GNAI1: variants seen among roughly 807,000 people sequenced by gnomAD.
GNAI1 encodes guanine nucleotide-binding protein G(i) subunit alpha-1.
In GNAI1, 11 loss-of-function variants were observed where a neutral mutation model predicts 38.9. That is an observed-to-expected ratio of 0.28 (90% CI 0.18 to 0.47). GNAI1 has a LOEUF of 0.47. Ranked by LOEUF, GNAI1 falls within the 20% of genes least tolerant of loss-of-function variation. The probability of loss-of-function intolerance (pLI) is 0.99; values close to 1 mark genes in which losing one functional copy is unlikely to be tolerated. For missense variants in GNAI1, 317 were observed against 436.9 expected (o/e 0.73, Z 2.45); for synonymous variants, 166 against 145.1 (o/e 1.14, Z -1.04).
At chr7:80,197,625 A>G (rs1247487236) in intron 3 of GNAI1, among the ~76,000 whole-genome samples, 4 of 152,102 alleles carry the variant, frequency 2.6e-5, no homozygotes, top group African/African-American at 9.7e-5. Flanking sequence ...GTTTACTGGA[A>G]TTAGACTAAT....
At position 80,220,611 on chromosome 7, in the gene GNAI1, CCTT is replaced by C. The variant is rs1469158498; in HGVS notation, c.*3121_*3123del. Among the ~76,000 whole-genome samples the C allele has an allele frequency of 6.6e-6, 1 of 152,146 alleles. No individual in the cohort carries two copies. Among genetic ancestry groups the C allele is most frequent in the East Asian group, 1.9e-4 (1 of 5,192 alleles). On this transcript the variant is annotated 3_prime_UTR_variant, in exon 8 of 8. Transcript: ENST00000649796. ...TCTAAAATTCTCTTCATTTCAGTAA[CCTT>C]CTAAAAGTCTACTTTTTTATGCCTA...
At chr7:80,135,773 G>C in intron 1 of GNAI1, 1 of 983,066 alleles carries the variant, frequency 1.0e-6, no homozygotes, top group Non-Finnish European at 1.2e-6. Flanking sequence ...TGCACCTTTT[G>C]TGGGGCCTCT....
chr7:80,156,042 C>CAAAAAAAAAAAAAAA (rs1182960135), intron 1 of GNAI1, among the ~76,000 whole-genome samples: 2 of 68,534 alleles, frequency 2.9e-5, no homozygotes, highest in Non-Finnish European at 6.0e-5. Flanking sequence ...GACTCTGTCT[C>CAAAAAAAAAAAAAAA]AAAAAAAAAA....
chr7:80,146,436 T>A (rs1233964623), intron 1 of GNAI1, among the ~76,000 whole-genome samples: 1 of 152,200 alleles, frequency 6.6e-6, no homozygotes, highest in Non-Finnish European at 1.5e-5. Flanking sequence ...CATATTACAT[T>A]CTCTATTGTG....
chr7:80,223,984 A>C lies in GNAI1; in HGVS notation c.*6491A>C, dbSNP rs1432427332. The stretch of plus-strand genomic sequence containing the variant: ...TGAAGCTGGCATAAGGAAAGCCAGT[A>C]AAAAGTGCCCTTTCTTCTTTCTGAG... On this transcript the variant is annotated 3_prime_UTR_variant, in exon 8 of 8. Coordinates refer to ENST00000649796, the MANE Select transcript of GNAI1 (RefSeq NM_002069.6). Among the ~76,000 whole-genome samples, 3 of 152,184 alleles carry C rather than the reference A, an allele frequency of 2.0e-5. No individual in the cohort carries two copies. The highest frequency in any genetic ancestry group is 7.2e-5 in the African/African-American group (3 of 41,448).
chr7:80,189,344 G>C, intron 3 of GNAI1, 113 bp downstream of exon 3: 1 of 864,444 alleles, frequency 1.2e-6, no homozygotes, highest in Non-Finnish European at 1.9e-6. Flanking sequence ...TTCATAAAAG[G>C]AACCAAAAGG....
At chr7:80,152,303 G>A (rs994754282) in intron 1 of GNAI1, among the ~76,000 whole-genome samples, 2 of 152,122 alleles carry the variant, frequency 1.3e-5, no homozygotes, top group East Asian at 3.9e-4. Flanking sequence ...TAGGGAGAAA[G>A]GGCCTGGTCA....
chr7:80,169,372 A>C (rs192672527), intron 1 of GNAI1, among the ~76,000 whole-genome samples: 1 of 152,208 alleles, frequency 6.6e-6, no homozygotes, highest in South Asian at 2.1e-4. Context: ...AGTAATAGAC[A>C]TGTATCATTT....
chr7:80,192,919 G>C (rs184798613), intron 3 of GNAI1, among the ~76,000 whole-genome samples: 18 of 151,890 alleles, frequency 1.2e-4, no homozygotes, highest in Non-Finnish European at 2.5e-4. Flanking sequence ...GGCTGGTCTC[G>C]ATCTCCTGAC....
chr7:80,148,059 G>A (rs369132790), intron 1 of GNAI1, among the ~76,000 whole-genome samples: 17 of 152,154 alleles, frequency 1.1e-4, no homozygotes, highest in East Asian at 3.9e-4. Flanking sequence ...TATAAAAACT[G>A]GGCTGTGGAT....
chr7:80,220,380 T>G lies in GNAI1; in HGVS notation c.*2887T>G, dbSNP rs897647151. On this transcript the variant is annotated 3_prime_UTR_variant, in exon 8 of 8. Transcript: ENST00000649796. ...TAAATTTGGCACTTTTAAATTTGTT[T>G]GTGATACCTCTTTTAGACTCCTCTG... 1.3e-5 allele frequency among the ~76,000 whole-genome samples: 2 copies of G among 152,234 alleles called. No homozygotes were observed. The highest frequency in any genetic ancestry group is 4.8e-5 in the African/African-American group (2 of 41,454).
At chr7:80,192,200 T>G (rs1788493422) in intron 3 of GNAI1, among the ~76,000 whole-genome samples, 1 of 152,206 alleles carries the variant, frequency 6.6e-6, no homozygotes, top group Non-Finnish European at 1.5e-5. Flanking sequence ...CTTCTGTGTT[T>G]TGTTTCTTAT....
intron 1 of GNAI1, among the ~76,000 whole-genome samples, chr7:80,177,636 A>G (rs1460962903): frequency 3.3e-5 from 5 of 152,066 alleles, no homozygotes; most frequent in Non-Finnish European, 1.5e-5. Context: ...ATGCCTGGCC[A>G]GTGTTTTTTA....
intron 3 of GNAI1, among the ~76,000 whole-genome samples, chr7:80,195,343 T>TC (rs1055401340): frequency 8.6e-5 from 13 of 151,990 alleles, no homozygotes; most frequent in African/African-American, 2.6e-4. Flanking sequence ...TTAGGCTTTT[T>TC]CCCCCCTTTT....
In GNAI1 at chr7:80,223,762, C is replaced by T. The variant is rs1002314565; in HGVS notation, c.*6269C>T. ...AGTGACCAATTGTCCTAGCAATCTACTTCACAAGGCAATTTACCTGTAATA... is the reference window on the plus strand; with the variant it reads ...AGTGACCAATTGTCCTAGCAATCTATTTCACAAGGCAATTTACCTGTAATA... On this transcript the variant is annotated 3_prime_UTR_variant, in exon 8 of 8. Transcript: ENST00000649796. Among the ~76,000 whole-genome samples the T allele has an allele frequency of 2.0e-5, 3 of 152,144 alleles. No individual in the cohort carries two copies. Among genetic ancestry groups the T allele is most frequent in the Non-Finnish European group, 4.4e-5 (3 of 68,032 alleles).
chr7:80,210,445 T>G (rs1788853157), intron 5 of GNAI1, among the ~76,000 whole-genome samples: 1 of 152,184 alleles, frequency 6.6e-6, no homozygotes, highest in Non-Finnish European at 1.5e-5. Flanking sequence ...GCCCTACATT[T>G]TCTTACCTGA....
intron 1 of GNAI1, among the ~76,000 whole-genome samples, chr7:80,138,756 C>A (rs1787470889): frequency 1.3e-5 from 2 of 152,236 alleles, no homozygotes; most frequent in South Asian, 4.1e-4. Context: ...CTCATTTATT[C>A]CACCTCACTG....
intron 1 of GNAI1, among the ~76,000 whole-genome samples, chr7:80,141,154 G>A (rs1261831025): frequency 1.3e-5 from 2 of 152,176 alleles, no homozygotes; most frequent in Non-Finnish European, 2.9e-5. Flanking sequence ...CAGGGATTGG[G>A]ACATATTTAT....
At chr7:80,138,104 C>T (rs1435271448) in intron 1 of GNAI1, among the ~76,000 whole-genome samples, 3 of 152,148 alleles carry the variant, frequency 2.0e-5, no homozygotes, top group Non-Finnish European at 4.4e-5. Flanking sequence ...AGATCGTGTT[C>T]ATCTTCACTT....
Sources: gnomAD v4.1 joint callset for allele counts (sites outside exome capture counted in the v4.1 genomes callset) on GRCh38, gnomAD v4.1.1 for gene constraint, MANE v1.5 for transcripts, NCBI Gene and HGNC (gene_info 2026-07-23, HGNC 2026-07-21) for gene names.